Variants in FRMD5 observed in about 807,000 individuals in gnomAD.
The protein encoded by FRMD5 is FERM domain containing 5, also known as FERM domain-containing protein 5.
In FRMD5, 20 loss-of-function variants were observed where a neutral mutation model predicts 69.0. The ratio of observed to expected loss-of-function variants is 0.29; its 90% CI spans 0.20 to 0.42. The LOEUF is 0.42. Among genes scored for constraint, FRMD5 ranks in the 10% least tolerant of loss-of-function variants. FRMD5 has a pLI of 1.00. For synonymous variants in FRMD5, 271 were observed against 260.1 expected (o/e 1.04, Z -0.40); for missense variants, 595 against 708.6 (o/e 0.84, Z 1.82).
At chr15:43,915,931 G>A (rs1348168113) in intron 4 of FRMD5, among the ~76,000 whole-genome samples, 2 of 152,182 alleles carry the variant, frequency 1.3e-5, no homozygotes, top group Non-Finnish European at 2.9e-5. Context: ...GCTGGGCCCG[G>A]TATCTCCTCT....
At chr15:43,901,862 C>T (rs1017086791) in intron 7 of FRMD5, 2 of 320,532 alleles carry the variant, frequency 6.2e-6, no homozygotes, top group Non-Finnish European at 5.8e-6. Flanking sequence ...CGCCTCTGAT[C>T]GTTCTCTGTG....
At chr15:44,094,815 C>A (rs2076527046) in intron 1 of FRMD5, among the ~76,000 whole-genome samples, 1 of 152,054 alleles carries the variant, frequency 6.6e-6, no homozygotes, top group African/African-American at 2.4e-5. Flanking sequence ...TTTTTCATCT[C>A]TTTAATCAGA....
At chr15:43,967,572 ATAAGG>A (rs1314739633) in intron 1 of FRMD5, among the ~76,000 whole-genome samples, 1 of 152,150 alleles carries the variant, frequency 6.6e-6, no homozygotes, top group Non-Finnish European at 1.5e-5. Flanking sequence ...ATAACATCCT[ATAAGG>A]TAAAGTTTGG....
chr15:43,954,217 G>A (rs1404702701), intron 1 of FRMD5, among the ~76,000 whole-genome samples: 2 of 152,202 alleles, frequency 1.3e-5, no homozygotes, highest in African/African-American at 4.8e-5. Context: ...GCACAGAACT[G>A]CACAGACTGT....
intron 1 of FRMD5, 152 bp from the exon 2 acceptor site, chr15:43,924,461 T>C (rs1439345670): frequency 1.6e-6 from 1 of 616,326 alleles, no homozygotes. Flanking sequence ...TTGTGATACA[T>C]CACTCACTGT....
intron 1 of FRMD5, among the ~76,000 whole-genome samples, chr15:43,980,282 G>A (rs1031061594): frequency 6.6e-6 from 1 of 152,096 alleles, no homozygotes; most frequent in African/African-American, 2.4e-5. Context: ...TTCTAATAGG[G>A]GACTGTCCCA....
intron 1 of FRMD5, among the ~76,000 whole-genome samples, chr15:44,058,288 A>G (rs1262174253): frequency 6.6e-6 from 1 of 152,222 alleles, no homozygotes; most frequent in East Asian, 1.9e-4. Context: ...TGAAATGTCC[A>G]GCATTGGCAA....
chr15:43,957,557 G>T (rs77157281), intron 1 of FRMD5, among the ~76,000 whole-genome samples: 1,760 of 152,308 alleles, frequency 0.012, 32 homozygotes, highest in African/African-American at 0.04. Context: ...CTCAAGCCCA[G>T]GCTTTCAATT....
At chr15:43,922,426 G>A (rs905246470) in intron 2 of FRMD5, among the ~76,000 whole-genome samples, 1 of 152,218 alleles carries the variant, frequency 6.6e-6, no homozygotes, top group Non-Finnish European at 1.5e-5. Context: ...TTAGGTTTGT[G>A]TGCAGCGCAG....
intron 4 of FRMD5, among the ~76,000 whole-genome samples, chr15:43,913,924 C>T (rs1000359672): frequency 3.9e-5 from 6 of 152,182 alleles, no homozygotes; most frequent in South Asian, 2.1e-4. Flanking sequence ...AGCTCTAGAC[C>T]GGATTTAGGA....
intron 1 of FRMD5, among the ~76,000 whole-genome samples, chr15:44,057,441 C>T (rs1892919042): frequency 6.6e-6 from 1 of 152,194 alleles, no homozygotes; most frequent in African/African-American, 2.4e-5. Context: ...AGATATTGCA[C>T]ATGGTCAAGC....
chr15:44,094,843 T>C (rs954847357), intron 1 of FRMD5, among the ~76,000 whole-genome samples: 53 of 152,216 alleles, frequency 3.5e-4, no homozygotes, highest in African/African-American at 1.2e-3. Context: ...CATCCACAAA[T>C]TTCAATTGTG....
rs1187394987 is a variant in FRMD5 at position 44,140,788 on chromosome 15, T to C, written c.102+54165A>G. Among the ~76,000 whole-genome samples, 6 of 135,362 alleles carry C rather than the reference T, an allele frequency of 4.4e-5. No homozygotes were observed. In the East Asian group the frequency reaches 1.2e-3, roughly 26 times the overall value. 88.8% of individuals were successfully genotyped at this position (135,362 alleles called of 152,430 possible). A position where few individuals can be genotyped will look rare whatever the true frequency, so the allele number is the denominator to read the frequency against. On this transcript the variant is annotated intron_variant, in intron 1 of 13. Transcript: ENST00000417257. ...GTCCCAGCTACTCAAGAGGCTGAGG[T>C]AGGAGGGTCGCTTGGGCCCAGGAGA...
chr15:43,882,829 A>AT (rs2088567610), intron 13 of FRMD5, among the ~76,000 whole-genome samples: 1 of 150,468 alleles, frequency 6.6e-6, no homozygotes, highest in Non-Finnish European at 1.5e-5. Context: ...CTTGAGACAG[A>AT]GTCTCTGTCA....
At chr15:43,944,223 G>A (rs968704631) in intron 1 of FRMD5, among the ~76,000 whole-genome samples, 1 of 152,240 alleles carries the variant, frequency 6.6e-6, no homozygotes, top group African/African-American at 2.4e-5. Context: ...ATAGAGTCCT[G>A]AAGTGCCACA....
chr15:44,090,043 G>A (rs574769953), intron 1 of FRMD5, among the ~76,000 whole-genome samples: 9 of 152,158 alleles, frequency 5.9e-5, no homozygotes, highest in East Asian at 5.8e-4. Context: ...GCTCACCTCC[G>A]TCCCTCACTT....
At chr15:44,197,394 A>G (rs1438920153), upstream of FRMD5, among the ~76,000 whole-genome samples, 4 of 152,146 alleles carry the variant, frequency 2.6e-5, no homozygotes, top group African/African-American at 9.7e-5. Flanking sequence ...AGATAATGAA[A>G]TATTTCAGGC....
At chr15:44,093,675 C>T (rs1236429560) in intron 1 of FRMD5, among the ~76,000 whole-genome samples, 1 of 151,844 alleles carries the variant, frequency 6.6e-6, no homozygotes. Context: ...CGGGTTCACG[C>T]CATTCTCCTG....
At position 43,885,662 on chromosome 15, in the gene FRMD5, A is replaced by C; in HGVS notation, c.959+19T>G. 6.3e-7 allele frequency: 1 copy of C among 1,591,930 alleles called. No homozygotes were observed. Among genetic ancestry groups the C allele is most frequent in the Non-Finnish European group, 8.6e-7 (1 of 1,159,714 alleles). On this transcript the variant is annotated intron_variant, in intron 11 of 13. Coordinates refer to ENST00000417257, the MANE Select transcript of FRMD5 (RefSeq NM_032892.5). ...GTCTGAAAATAGATCCATAATGGTT[A>C]CTTACTGTCACTATTTACCTGTATC...
Sources: allele counts gnomAD v4.1 joint callset (sites outside exome capture counted in the v4.1 genomes callset), GRCh38; gene constraint gnomAD v4.1.1; transcripts MANE v1.5; gene names NCBI Gene and HGNC (gene_info 2026-07-23, HGNC 2026-07-21).